Variants in ZNF385D observed in about 807,000 individuals in gnomAD.
ZNF385D encodes zinc finger protein 659.
ZNF385D carries 15 observed loss-of-function variants against 35.8 expected under a neutral mutation model. The ratio of observed to expected loss-of-function variants is 0.42; its 90% CI spans 0.28 to 0.64. ZNF385D has a LOEUF of 0.64. Ranked by LOEUF, ZNF385D falls within the 30% of genes least tolerant of loss-of-function variation. The pLI, the probability that ZNF385D is intolerant of heterozygous loss-of-function variation, is 0.23. For synonymous variants in ZNF385D, 212 were observed against 186.8 expected (o/e 1.13, Z -1.10); for missense variants, 474 against 494.6 (o/e 0.96, Z 0.39).
At chr3:21,797,893 G>A (rs941998715) in intron 3 of ZNF385D, among the ~76,000 whole-genome samples, 1 of 152,166 alleles carries the variant, frequency 6.6e-6, no homozygotes. Context: ...GTTTAGGGCA[G>A]TGAAAATACC....
rs1491015793 is a variant in ZNF385D, at chr3:21,621,894, TGC to T, written c.165+42990_165+42991del. ...GTGTGTGTGTGTGTGTGTGTGTGTGTGCGTGCACGCACGTGTGTGCTTTCTTT... is the reference window on the plus strand; with the variant it reads ...GTGTGTGTGTGTGTGTGTGTGTGTGTGTGCACGCACGTGTGTGCTTTCTTT... On this transcript the variant is annotated intron_variant, in intron 2 of 7. Coordinates refer to ENST00000281523, the MANE Select transcript of ZNF385D (RefSeq NM_024697.3). Among the ~76,000 whole-genome samples, 6 of 148,566 alleles carry T rather than the reference TGC, an allele frequency of 4.0e-5. No homozygotes were observed. The East Asian group carries it at 7.0e-4, about 17-fold the overall frequency.
chr3:21,763,459 C>T (rs550707007), intron 3 of ZNF385D, among the ~76,000 whole-genome samples: 2 of 152,220 alleles, frequency 1.3e-5, no homozygotes, highest in South Asian at 4.1e-4. Context: ...TGAGGATGAA[C>T]AAATACATCA....
At chr3:21,515,614 C>T (rs1707507351) in intron 3 of ZNF385D, among the ~76,000 whole-genome samples, 1 of 152,242 alleles carries the variant, frequency 6.6e-6, no homozygotes, top group Admixed American at 6.5e-5. Flanking sequence ...GCACAACTGA[C>T]TCCATCTTGC....
In ZNF385D at chr3:21,744,924, C is replaced by T. The variant is rs570958687; in HGVS notation, c.22+5971G>A. 7.9e-5 allele frequency among the ~76,000 whole-genome samples: 12 copies of T among 152,188 alleles called. 1 individual carries two copies. The highest frequency in any genetic ancestry group is 5.2e-4 in the Admixed American group (8 of 15,290). On this transcript the variant is annotated intron_variant, in intron 1 of 7. Transcript: ENST00000281523. ...AGGGACTGTTTCTCTTGTCAATGCC[C>T]GAGTACTAGCTTTCATAGGGAATAT...
intron 3 of ZNF385D, among the ~76,000 whole-genome samples, chr3:21,518,222 T>A (rs980655679): frequency 1.3e-5 from 2 of 151,844 alleles, no homozygotes; most frequent in Admixed American, 6.6e-5. Context: ...AATTATCGAT[T>A]TTTTTTTCCT....
chr3:22,064,558 C>G (rs144557332), intron 3 of ZNF385D, among the ~76,000 whole-genome samples: 239 of 152,232 alleles, frequency 1.6e-3, no homozygotes, highest in African/African-American at 5.5e-3. Context: ...ATCAGATGAA[C>G]AGATAAAGAA....
chr3:21,811,108 G>A (rs112737856), intron 3 of ZNF385D, among the ~76,000 whole-genome samples: 1 of 151,716 alleles, frequency 6.6e-6, no homozygotes, highest in African/African-American at 2.4e-5. Flanking sequence ...AAGAATCAAA[G>A]AATTTAATAA....
chr3:21,929,642 T>C (rs1270309760), intron 3 of ZNF385D, among the ~76,000 whole-genome samples: 1 of 152,058 alleles, frequency 6.6e-6, no homozygotes. Flanking sequence ...AAAAATCAAT[T>C]GTATTTTTAT....
intron 3 of ZNF385D, among the ~76,000 whole-genome samples, chr3:22,110,925 G>T (rs1329207097): frequency 1.3e-5 from 2 of 152,012 alleles, no homozygotes; most frequent in African/African-American, 4.8e-5. Flanking sequence ...ATAAAGACAA[G>T]AAATGTAAAA....
intron 2 of ZNF385D, among the ~76,000 whole-genome samples, chr3:22,219,010 T>A (rs778791626): frequency 8.5e-5 from 13 of 152,264 alleles, no homozygotes; most frequent in Admixed American, 2.0e-4. Context: ...GCAATTCCTC[T>A]TTTTATGGGC....
At chr3:22,213,732 C>A (rs965509977) in intron 2 of ZNF385D, among the ~76,000 whole-genome samples, 2 of 152,012 alleles carry the variant, frequency 1.3e-5, no homozygotes, top group African/African-American at 4.8e-5. Context: ...GGACCAAATT[C>A]TGTTCCTCAG....
intron 3 of ZNF385D, among the ~76,000 whole-genome samples, chr3:21,931,887 C>A (rs950410883): frequency 6.6e-6 from 1 of 151,612 alleles, no homozygotes; most frequent in Non-Finnish European, 1.5e-5. Context: ...TGAGGCCGGG[C>A]GCGGTGGCTC....
At chr3:22,282,373 A>G (rs1468219666) in intron 2 of ZNF385D, among the ~76,000 whole-genome samples, 1 of 152,094 alleles carries the variant, frequency 6.6e-6, no homozygotes, top group African/African-American at 2.4e-5. Context: ...ATTTAACACT[A>G]TGAACTTTCC....
intron 1 of ZNF385D, among the ~76,000 whole-genome samples, chr3:21,725,446 AAAG>A (rs1211516856): frequency 6.6e-6 from 1 of 152,192 alleles, no homozygotes; most frequent in Non-Finnish European, 1.5e-5. Context: ...CCAGATTAAT[AAAG>A]AAGAAGACAG....
chr3:22,077,308 A>T (rs1700513596), intron 3 of ZNF385D, among the ~76,000 whole-genome samples: 1 of 151,920 alleles, frequency 6.6e-6, no homozygotes, highest in Non-Finnish European at 1.5e-5. Context: ...TACTTCTTCC[A>T]TGCCTAGTTT....
At chr3:21,543,991 ATT>A (rs935501830) in intron 3 of ZNF385D, among the ~76,000 whole-genome samples, 10 of 152,012 alleles carry the variant, frequency 6.6e-5, no homozygotes, top group Non-Finnish European at 1.2e-4. Flanking sequence ...TAGCGACTGG[ATT>A]TTTTTGTGTG....
intron 2 of ZNF385D, among the ~76,000 whole-genome samples, chr3:22,279,332 T>G (rs1249434565): frequency 6.6e-6 from 1 of 151,834 alleles, no homozygotes; most frequent in Non-Finnish European, 1.5e-5. Flanking sequence ...TAGCTTAGCT[T>G]CTACTTATGA....
At chr3:21,537,124 C>CTTTTT (rs35873199) in intron 3 of ZNF385D, among the ~76,000 whole-genome samples, 36 of 94,998 alleles carry the variant, frequency 3.8e-4, no homozygotes, top group Non-Finnish European at 5.2e-4. Flanking sequence ...AAAATATCAA[C>CTTTTT]TTTTTTTTTT....
intron 2 of ZNF385D, among the ~76,000 whole-genome samples, chr3:22,295,914 T>C (rs1226084569): frequency 1.3e-5 from 2 of 152,104 alleles, no homozygotes; most frequent in South Asian, 2.1e-4. Context: ...GAAACTGAGA[T>C]TTCTGAAAAA....
Sources: gnomAD v4.1 joint callset for allele counts (sites outside exome capture counted in the v4.1 genomes callset) on GRCh38, gnomAD v4.1.1 for gene constraint, MANE v1.5 for transcripts, NCBI Gene and HGNC (gene_info 2026-07-23, HGNC 2026-07-21) for gene names.